PACRG: variants seen among roughly 807,000 people sequenced by gnomAD.
PACRG encodes parkin coregulated gene protein.
In PACRG, 29 loss-of-function variants were observed where a neutral mutation model predicts 29.7. The observed-to-expected ratio is 0.98, with a 90% CI of 0.73 to 1.33. PACRG has a LOEUF of 1.33. Ranked by LOEUF, PACRG falls within the 40% of genes most tolerant of loss-of-function variation. The pLI is 0.00. For missense variants in PACRG, 279 were observed against 316.2 expected (o/e 0.88, Z 0.89); for synonymous variants, 116 against 118.7 (o/e 0.98, Z 0.15).
chr6:162,903,389 A>G (rs1029361402), intron 2 of PACRG, among the ~76,000 whole-genome samples: 2 of 152,240 alleles, frequency 1.3e-5, no homozygotes, highest in Non-Finnish European at 2.9e-5. Context: ...CGCTGCTGAT[A>G]TATACATACC....
intron 3 of PACRG, among the ~76,000 whole-genome samples, chr6:163,065,803 C>A (rs933344687): frequency 1.3e-5 from 2 of 152,020 alleles, no homozygotes; most frequent in Non-Finnish European, 2.9e-5. Context: ...CTGAAAATGC[C>A]GTAGTAGAAC....
At chr6:163,176,608 C>T (rs952733682) in intron 4 of PACRG, among the ~76,000 whole-genome samples, 5 of 152,006 alleles carry the variant, frequency 3.3e-5, no homozygotes, top group African/African-American at 1.2e-4. Flanking sequence ...AATTCCTGTC[C>T]TTAAAGAGAC....
At chr6:162,994,766 T>C (rs1410848505) in intron 2 of PACRG, among the ~76,000 whole-genome samples, 2 of 150,414 alleles carry the variant, frequency 1.3e-5, no homozygotes, top group Non-Finnish European at 2.9e-5. Context: ...CCATCCAGCT[T>C]TGTTCCGTTG....
chr6:162,932,104 C>T (rs1463768966), intron 2 of PACRG, among the ~76,000 whole-genome samples: 1 of 151,950 alleles, frequency 6.6e-6, no homozygotes, highest in Admixed American at 6.6e-5. Flanking sequence ...TACTGACACA[C>T]TTAACAGCAT....
At chr6:162,941,389 A>C (rs958237785) in intron 2 of PACRG, among the ~76,000 whole-genome samples, 1 of 152,120 alleles carries the variant, frequency 6.6e-6, no homozygotes, top group Admixed American at 6.5e-5. Flanking sequence ...GGATTCTTTC[A>C]TGTCCCAAAG....
At chr6:162,868,641 C>T (rs933619556) in intron 2 of PACRG, among the ~76,000 whole-genome samples, 1 of 152,070 alleles carries the variant, frequency 6.6e-6, no homozygotes, top group African/African-American at 2.4e-5. Context: ...CTAGGGCGCA[C>T]CCGAGCCGCC....
intron 4 of PACRG, among the ~76,000 whole-genome samples, chr6:163,230,509 T>G (rs1465705616): frequency 6.6e-6 from 1 of 152,194 alleles, no homozygotes; most frequent in African/African-American, 2.4e-5. Flanking sequence ...CTGGAAAGCT[T>G]ATACTTAGTG....
chr6:163,308,991 C>G (rs181732692), intron 4 of PACRG, among the ~76,000 whole-genome samples: 1 of 152,282 alleles, frequency 6.6e-6, no homozygotes, highest in East Asian at 1.9e-4. Flanking sequence ...TATGCCTTTT[C>G]TGGTCCAGAA....
In PACRG at chr6:163,311,967, T is replaced by G. The variant is rs528703283; in HGVS notation, c.614-2860T>G. On this transcript the variant is annotated intron_variant, in intron 4 of 4. Transcript: ENST00000366888. ...AAAATATGTCTGTCTCCTGGTCTATTCAGCTCTTGACCTTCTGACTCATAT... is the reference window on the plus strand; with the variant it reads ...AAAATATGTCTGTCTCCTGGTCTATGCAGCTCTTGACCTTCTGACTCATAT... 5.1e-4 allele frequency among the ~76,000 whole-genome samples: 78 copies of G among 152,318 alleles called. 1 individual carries two copies. The highest frequency in any genetic ancestry group is 1.8e-3 in the African/African-American group (73 of 41,582).
intron 4 of PACRG, among the ~76,000 whole-genome samples, chr6:163,192,604 G>A (rs1272856040): frequency 1.3e-5 from 2 of 152,160 alleles, no homozygotes; most frequent in Admixed American, 6.5e-5. Context: ...ACTTTGGTAA[G>A]TGTGTCTCAA....
chr6:163,199,378 G>A (rs1400102449), intron 4 of PACRG, among the ~76,000 whole-genome samples: 2 of 152,166 alleles, frequency 1.3e-5, no homozygotes, highest in African/African-American at 4.8e-5. Flanking sequence ...GGCTCCTCCA[G>A]GGTTTGTGTC....
intron 4 of PACRG, among the ~76,000 whole-genome samples, chr6:163,111,193 G>T (rs1242902998): frequency 6.6e-6 from 1 of 152,104 alleles, no homozygotes; most frequent in Non-Finnish European, 1.5e-5. Flanking sequence ...ATAACCCCAG[G>T]GTTCCTTCCC....
intron 2 of PACRG, among the ~76,000 whole-genome samples, chr6:162,819,283 T>C (rs1787629114): frequency 6.6e-6 from 1 of 152,186 alleles, no homozygotes; most frequent in African/African-American, 2.4e-5. Flanking sequence ...AATTTCCCCT[T>C]AGGTTAATAT....
chr6:162,947,359 A>ATATGATATATATATCATATATGAT lies in PACRG; in HGVS notation c.292-114791_292-114790insTATGATATATATATCATATATGAT, dbSNP rs376521730. On this transcript the variant is annotated intron_variant, in intron 2 of 4. Coordinates refer to ENST00000366888, the MANE Select transcript of PACRG (RefSeq NM_001080379.2). ...ATATATATAATGATTACATATATATAATGTAATCATATATAATCATATATA... is the reference window on the plus strand; with the variant it reads ...ATATATATAATGATTACATATATATATATGATATATATATCATATATGATATGTAATCATATATAATCATATATA... Among the ~76,000 whole-genome samples, 72 of 36,698 alleles carry ATATGATATATATATCATATATGAT rather than the reference A, an allele frequency of 2.0e-3. 10 individuals are homozygous for ATATGATATATATATCATATATGAT. The highest frequency in any genetic ancestry group is 0.017 in the East Asian group (32 of 1,830). 24.1% of individuals were successfully genotyped at this position (36,698 alleles called of 152,430 possible).
At chr6:162,870,701 C>G (rs143319931) in intron 2 of PACRG, among the ~76,000 whole-genome samples, 1 of 152,126 alleles carries the variant, frequency 6.6e-6, no homozygotes, top group Non-Finnish European at 1.5e-5. Flanking sequence ...TCTGGTTTAT[C>G]CATATATTAT....
chr6:163,055,663 T>G lies in PACRG; in HGVS notation c.292-6487T>G, dbSNP rs1433691414. The stretch of plus-strand genomic sequence containing the variant: ...TTGTTATTTGTTTTTTATTGTTTTA[T>G]TTTTTCTTTGGCATTTTTATCATTG... On this transcript the variant is annotated intron_variant, in intron 2 of 4. Transcript: ENST00000366888. The surrounding 1 kb of genome is among the most constrained non-coding windows in gnomAD (Gnocchi z 4.0). 1.3e-5 allele frequency among the ~76,000 whole-genome samples: 2 copies of G among 152,216 alleles called. No homozygotes were observed. The highest frequency in any genetic ancestry group is 2.1e-4 in the South Asian group (1 of 4,828).
chr6:163,298,797 C>T (rs537006614), intron 4 of PACRG, among the ~76,000 whole-genome samples: 3 of 152,214 alleles, frequency 2.0e-5, no homozygotes, highest in Non-Finnish European at 4.4e-5. Flanking sequence ...CCGGTAACAA[C>T]GCATTCCAAC....
chr6:162,801,257 T>C lies in PACRG; in HGVS notation c.157-12890T>C, dbSNP rs559175907. Among the ~76,000 whole-genome samples, 29 of 152,230 alleles carry C rather than the reference T, an allele frequency of 1.9e-4. 2 individuals carry two copies. In the South Asian group the frequency reaches 5.6e-3, roughly 29 times the overall value. ...CCGAGTAGCTGGGATTACATGTGTG[T>C]ACCACCATGCCCGGCTAATTTTTGT... On this transcript the variant is annotated intron_variant, in intron 1 of 4. Transcript: ENST00000366888.
chr6:162,962,137 A>G (rs1800674071), intron 2 of PACRG, among the ~76,000 whole-genome samples: 1 of 151,672 alleles, frequency 6.6e-6, no homozygotes, highest in African/African-American at 2.4e-5. Context: ...ACCTCATTTA[A>G]CCTCTGACAC....
Sources: allele counts gnomAD v4.1 joint callset (sites outside exome capture counted in the v4.1 genomes callset), GRCh38; gene constraint gnomAD v4.1.1; non-coding constraint Gnocchi (gnomAD v3.1); transcripts MANE v1.5; gene names NCBI Gene and HGNC (gene_info 2026-07-23, HGNC 2026-07-21).